The following TLL2 variants were observed in gnomAD, a reference collection of about 807,000 sequenced individuals.
TLL2 encodes tolloid like 2, also known as tolloid-like protein 2.
Under a neutral mutation model 123.0 loss-of-function variants are expected in TLL2, and 106 were observed. The observed-to-expected ratio is 0.86, with a 90% CI of 0.74 to 1.01. The LOEUF is 1.01. TLL2 is among the 50% of genes least tolerant of loss of function. TLL2 has a pLI of 0.00. For synonymous variants in TLL2, 494 were observed against 516.8 expected (o/e 0.96, Z 0.60); for missense variants, 1,332 against 1,336.7 (o/e 1.00, Z 0.06).
chr10:96,470,817 T>C (rs1847172182), intron 2 of TLL2, among the ~76,000 whole-genome samples: 1 of 152,222 alleles, frequency 6.6e-6, no homozygotes, highest in South Asian at 2.1e-4. Context: ...AGAACTGTTG[T>C]GTGAAGATTA....
chr10:96,446,032 A>C (rs1482426296), intron 3 of TLL2, 59 bp downstream of exon 3: 4 of 1,549,062 alleles, frequency 2.6e-6, no homozygotes, highest in Non-Finnish European at 3.6e-6. Flanking sequence ...TGTCACGTGT[A>C]TTTTTCCACA....
chr10:96,401,513 C>T (rs900429678), intron 10 of TLL2, among the ~76,000 whole-genome samples: 4 of 151,374 alleles, frequency 2.6e-5, no homozygotes, highest in African/African-American at 9.7e-5. Context: ...TACACACACA[C>T]ACACACACAC....
At chr10:96,505,450 C>A (rs1259615066) in intron 1 of TLL2, among the ~76,000 whole-genome samples, 1 of 152,182 alleles carries the variant, frequency 6.6e-6, no homozygotes, top group South Asian at 2.1e-4. Flanking sequence ...TGTGGGATGA[C>A]AATAATTTTA....
intron 2 of TLL2, among the ~76,000 whole-genome samples, chr10:96,452,627 G>C (rs1846972997): frequency 6.6e-6 from 1 of 152,212 alleles, no homozygotes; most frequent in South Asian, 2.1e-4. Context: ...AGGTCACCCA[G>C]CTAGTCAATG....
chr10:96,455,400 A>C (rs1026477142), intron 2 of TLL2, among the ~76,000 whole-genome samples: 3 of 152,138 alleles, frequency 2.0e-5, no homozygotes, highest in South Asian at 2.1e-4. Context: ...ACTCCATCTC[A>C]AATAGGGGAT....
At chr10:96,420,496 G>A (rs1005973061) in intron 7 of TLL2, among the ~76,000 whole-genome samples, 2 of 152,192 alleles carry the variant, frequency 1.3e-5, no homozygotes, top group African/African-American at 4.8e-5. Flanking sequence ...TCTGAGAGCT[G>A]GCTGGAGCCT....
intron 1 of TLL2, among the ~76,000 whole-genome samples, chr10:96,485,410 C>T (rs1411343932): frequency 6.6e-6 from 1 of 152,028 alleles, no homozygotes; most frequent in East Asian, 1.9e-4. Flanking sequence ...TTATAAGAGC[C>T]TAGAATCCAG....
chr10:96,459,692 AAAAAAAAAAAAAAATATATAT>A lies in TLL2; in HGVS notation c.287-13545_287-13525del, dbSNP rs1278318061. 2.0e-4 allele frequency among the ~76,000 whole-genome samples: 14 copies of A among 71,454 alleles called. 1 individual carries two copies. Among genetic ancestry groups the A allele is most frequent in the African/African-American group, 6.8e-4 (13 of 19,002 alleles). The allele number at this position is 71,454 out of a possible 152,430, so 46.9% of individuals were successfully genotyped here. A position where few individuals can be genotyped will look rare whatever the true frequency, so the allele number is the denominator to read the frequency against. On this transcript the variant is annotated intron_variant, in intron 2 of 20. Coordinates refer to ENST00000357947, the MANE Select transcript of TLL2 (RefSeq NM_012465.4). ...TTCAAAAAAAAAAAAAAAAAAAAAA[AAAAAAAAAAAAAAATATATAT>A]ATATATATATATATATATAGCAGCT...
intron 2 of TLL2, among the ~76,000 whole-genome samples, chr10:96,472,902 T>C (rs10882796): frequency 0.16 from 24,047 of 152,194 alleles, 2,284 homozygotes; most frequent in East Asian, 0.29. Flanking sequence ...TGGGTATCTC[T>C]TGGGTATGCA....
Position 96,480,418 on chromosome 10 carries a change from T to G in TLL2, c.217A>C (p.Lys73Gln). 1 of 1,614,180 alleles carries G rather than the reference T, an allele frequency of 6.2e-7. No homozygotes were observed. The highest frequency in any genetic ancestry group is 1.1e-5 in the South Asian group (1 of 91,090). The change falls in exon 2 of 21, where the codon AAG (lysine) becomes CAG (glutamine). Residue 73 changes from lysine (K) to glutamine (Q), a missense_variant. By Grantham distance (53) the Lys-to-Gln change is moderately conservative. Transcript: ENST00000357947. The part of the protein sequence containing the change: ...GDIALDEDDL[K>Q]LFHIDKARDW... The stretch of plus-strand genomic sequence containing the variant: ...CTGGCTTTGTCAATGTGAAACAGCT[T>G]CAAGTCATCTTCATCTAAGGCAATG...
At chr10:96,508,286 C>T (rs1847595679) in intron 1 of TLL2, among the ~76,000 whole-genome samples, 1 of 152,190 alleles carries the variant, frequency 6.6e-6, no homozygotes, top group Admixed American at 6.5e-5. Flanking sequence ...AGTTTCTAGG[C>T]TGACAGTAAC....
rs369277431 is a variant in TLL2 at position 96,384,644 on chromosome 10, C to T, written c.2137G>A (p.Glu713Lys). Residue 713 changes from glutamate to lysine, a missense_variant, in exon 16 of 21, where the codon GAG becomes AAG. Physicochemically the swap from Glu to Lys is moderately conservative, Grantham distance 56. Transcript: ENST00000357947. ...GAGACGGTGTTGTCGGACTTGAACT[C>T]CACGCGCATGTTGTTGCTCTGCGAG... ...ITSQSNNMRVEFKSDNTVSKR... is the reference protein window; with the variant it reads ...ITSQSNNMRVKFKSDNTVSKR... The T allele has an allele frequency of 6.2e-7, 1 of 1,612,254 alleles. No homozygotes were observed. The highest frequency in any genetic ancestry group is 8.5e-7 in the Non-Finnish European group (1 of 1,178,956).
At chr10:96,393,087 G>A (rs1384046726) in intron 13 of TLL2, among the ~76,000 whole-genome samples, 6 of 152,222 alleles carry the variant, frequency 3.9e-5, no homozygotes, top group African/African-American at 2.4e-5. Flanking sequence ...GCAGCTCCTA[G>A]AAGCTGGAAA....
chr10:96,505,996 G>A (rs1847574216), intron 1 of TLL2, among the ~76,000 whole-genome samples: 1 of 152,050 alleles, frequency 6.6e-6, no homozygotes, highest in South Asian at 2.1e-4. Context: ...GCTTGTGCCT[G>A]TAATCCTAAC....
chr10:96,398,938 C>G (rs1486766135), intron 10 of TLL2, among the ~76,000 whole-genome samples: 1 of 136,222 alleles, frequency 7.3e-6, no homozygotes, highest in Admixed American at 8.3e-5. Context: ...ATGGCGTGAT[C>G]TCAGCTCACT....
intron 5 of TLL2, among the ~76,000 whole-genome samples, chr10:96,423,790 C>T (rs963981104): frequency 2.0e-5 from 3 of 152,220 alleles, no homozygotes; most frequent in African/African-American, 7.2e-5. Context: ...GCCCCTTTCT[C>T]TTTACCTGAA....
intron 16 of TLL2, among the ~76,000 whole-genome samples, chr10:96,379,927 T>A (rs1367245622): frequency 6.6e-6 from 1 of 152,212 alleles, no homozygotes. Flanking sequence ...TGGGCTCAAG[T>A]GCCGCGACTC....
Position 96,380,680 on chromosome 10 carries a change from G to A in TLL2, c.2195-1588C>T, listed in dbSNP as rs1387756632. On this transcript the variant is annotated intron_variant, in intron 16 of 20. Coordinates refer to ENST00000357947, the MANE Select transcript of TLL2 (RefSeq NM_012465.4). ...TGCACTCCAGCCTGGGCGACAGAGC[G>A]AGACTCTATCTCAAAAAAAAAAAAA... Among the ~76,000 whole-genome samples, 4 of 112,466 alleles carry A rather than the reference G, an allele frequency of 3.6e-5. No individual in the cohort carries two copies. The East Asian group carries it at 7.7e-4, about 22-fold the overall frequency. The allele number at this position is 112,466 out of a possible 152,430, so 73.8% of individuals were successfully genotyped here.
At chr10:96,456,456 A>G (rs1021325116) in intron 2 of TLL2, among the ~76,000 whole-genome samples, 5 of 152,190 alleles carry the variant, frequency 3.3e-5, no homozygotes, top group Non-Finnish European at 7.4e-5. Context: ...GCCTGAGTCC[A>G]CAGAGAAGCT....
Sources: gnomAD v4.1 joint callset for allele counts (sites outside exome capture counted in the v4.1 genomes callset) on GRCh38, gnomAD v4.1.1 for gene constraint, MANE v1.5 for transcripts, NCBI Gene and HGNC (gene_info 2026-07-23, HGNC 2026-07-21) for gene names.